The following RABGAP1 variants were observed in gnomAD, a reference collection of about 807,000 sequenced individuals.
The protein encoded by RABGAP1 is RAB GTPase activating protein 1.
Under a neutral mutation model 137.6 loss-of-function variants are expected in RABGAP1, and 23 were observed. The ratio of observed to expected loss-of-function variants is 0.17; its 90% CI spans 0.12 to 0.24. The LOEUF (loss-of-function observed/expected upper bound fraction) is 0.24. RABGAP1 is among the 10% of genes least tolerant of loss of function. The pLI is 1.00. For synonymous variants in RABGAP1, 451 were observed against 450.7 expected (o/e 1.00, Z -0.01); for missense variants, 906 against 1,275.8 (o/e 0.71, Z 4.42).
At position 122,989,322 on chromosome 9, in the gene RABGAP1, G is replaced by C. The variant is rs1836542279; in HGVS notation, c.616G>C (p.Glu206Gln). 1 of 1,613,474 alleles carries C rather than the reference G, an allele frequency of 6.2e-7. No individual in the cohort carries two copies. Among genetic ancestry groups the C allele is most frequent in the African/African-American group, 1.3e-5 (1 of 74,860 alleles). ...ACTCTTAGATCCTCAGACAAACACT[G>C]AAATAGCAAACTACCCTATCTACAA... ...VRLLDPQTNT[E>Q]IANYPIYKIL... The change falls in exon 5 of 26, where the codon GAA (glutamate) becomes CAA (glutamine). Residue 206 changes from glutamate to glutamine, a missense_variant. Physicochemically the swap from Glu to Gln is conservative, Grantham distance 29. Around this residue, in one of 9 missense-constraint regions of RABGAP1, gnomAD observed 331 missense variants for 358.3 expected, o/e 0.92. Transcript: ENST00000373647.
chr9:123,051,823 G>A (rs2033489799), intron 13 of RABGAP1, among the ~76,000 whole-genome samples: 1 of 150,784 alleles, frequency 6.6e-6, no homozygotes, highest in Admixed American at 6.6e-5. Flanking sequence ...ACGGAGCCTT[G>A]CTCTGTCATC....
At chr9:122,938,333 T>C (rs1833423467), upstream of RABGAP1, 1 of 152,222 alleles carries the variant, frequency 6.6e-6, no homozygotes, top group Non-Finnish European at 1.5e-5. Context: ...AGAGTGAACT[T>C]CAGTTTCCTT....
chr9:122,972,608 A>G (rs1835527271), intron 2 of RABGAP1, among the ~76,000 whole-genome samples: 2 of 152,194 alleles, frequency 1.3e-5, no homozygotes, highest in Admixed American at 6.5e-5. Context: ...TTTTGGGTAA[A>G]TAGGCTATAT....
chr9:123,097,356 T>C (rs2035215250), intron 21 of RABGAP1, among the ~76,000 whole-genome samples: 1 of 152,230 alleles, frequency 6.6e-6, no homozygotes, highest in Admixed American at 6.5e-5. Flanking sequence ...ATAATAATGA[T>C]GGCTACCTTT....
intron 6 of RABGAP1, 148 bp downstream of exon 6, chr9:122,990,361 A>G: frequency 1.7e-6 from 1 of 605,044 alleles, no homozygotes; most frequent in Non-Finnish European, 2.5e-6. Flanking sequence ...ATAAATACAT[A>G]AATTTAACAG....
intron 13 of RABGAP1, among the ~76,000 whole-genome samples, chr9:123,057,342 G>C (rs1385115310): frequency 6.7e-6 from 1 of 149,686 alleles, no homozygotes; most frequent in Non-Finnish European, 1.5e-5. Context: ...CAGACGGGGC[G>C]GCCGGGCAGA....
intron 13 of RABGAP1, among the ~76,000 whole-genome samples, chr9:123,043,839 G>C (rs1254573095): frequency 6.6e-6 from 1 of 151,804 alleles, no homozygotes; most frequent in Non-Finnish European, 1.5e-5. Flanking sequence ...GAAGAGTGAA[G>C]GGAATTTCAT....
intron 1 of RABGAP1, among the ~76,000 whole-genome samples, chr9:122,943,814 G>A (rs552169917): frequency 5.3e-5 from 8 of 150,034 alleles, no homozygotes; most frequent in Admixed American, 4.0e-4. Context: ...TTAGCCAGGC[G>A]TGGTGGCAGG....
chr9:123,042,165 T>C (rs1246627679), intron 13 of RABGAP1, among the ~76,000 whole-genome samples: 1 of 152,234 alleles, frequency 6.6e-6, no homozygotes. Flanking sequence ...CAGAATGTTC[T>C]AAGCAGGATA....
chr9:122,974,530 C>T (rs1167951080), intron 2 of RABGAP1, among the ~76,000 whole-genome samples: 1 of 149,460 alleles, frequency 6.7e-6, no homozygotes, highest in Non-Finnish European at 1.5e-5. Flanking sequence ...TGGCTCATGC[C>T]TGTAATCCCA....
chr9:123,031,512 G>GA (rs2032296461), intron 13 of RABGAP1, among the ~76,000 whole-genome samples: 1 of 151,918 alleles, frequency 6.6e-6, no homozygotes, highest in South Asian at 2.1e-4. Context: ...AGACAGAAAA[G>GA]AAAAAATTAG....
At chr9:123,083,711 G>A (rs1274323420) in intron 19 of RABGAP1, among the ~76,000 whole-genome samples, 1 of 152,152 alleles carries the variant, frequency 6.6e-6, no homozygotes, top group Non-Finnish European at 1.5e-5. Context: ...GCAGACCTTC[G>A]AGACCCACAG....
chr9:123,057,808 C>T (rs189484725), intron 13 of RABGAP1, among the ~76,000 whole-genome samples: 2,401 of 152,312 alleles, frequency 0.016, 35 homozygotes, highest in South Asian at 0.066. Context: ...CCCAGCACCT[C>T]GGGAGGCTGA....
chr9:123,008,106 A>C (rs1464534743), intron 10 of RABGAP1, among the ~76,000 whole-genome samples: 1 of 152,062 alleles, frequency 6.6e-6, no homozygotes, highest in Non-Finnish European at 1.5e-5. Flanking sequence ...ACCCAGCTTC[A>C]ACAATTAACA....
At chr9:123,021,476 A>C (rs1191819694) in intron 13 of RABGAP1, among the ~76,000 whole-genome samples, 1 of 151,986 alleles carries the variant, frequency 6.6e-6, no homozygotes, top group Non-Finnish European at 1.5e-5. Context: ...GGTGCGCACC[A>C]CCATGCCTAA....
At chr9:123,028,617 C>A (rs2045458876) in intron 13 of RABGAP1, among the ~76,000 whole-genome samples, 1 of 152,028 alleles carries the variant, frequency 6.6e-6, no homozygotes, top group Admixed American at 6.6e-5. Flanking sequence ...GGAGGTAAGA[C>A]CAGAGAGGTG....
chr9:123,029,590 A>T (rs2032185658), intron 13 of RABGAP1: 1 of 748,784 alleles, frequency 1.3e-6, no homozygotes, highest in Non-Finnish European at 2.5e-6. Flanking sequence ...AGAGTTTGTC[A>T]TATGTAGCTT....
chr9:122,989,373 G>T lies in RABGAP1; in HGVS notation c.667G>T (p.Asp223Tyr), dbSNP rs1324606278. ...YKILFCVRGH[D>Y]GTPESDCFAF... The stretch of plus-strand genomic sequence containing the variant: ...AATCCTCTTCTGTGTCAGAGGGCAT[G>T]ATGGAACTCCTGAGAGTGACTGTTT... Residue 223 changes from aspartate (D) to tyrosine (Y), a missense_variant, in exon 5 of 26, where the codon GAT (aspartate) becomes TAT (tyrosine). Physicochemically the swap from Asp to Tyr is radical, Grantham distance 160. Around this residue, in one of 9 missense-constraint regions of RABGAP1, gnomAD observed 331 missense variants for 358.3 expected, o/e 0.92. Transcript: ENST00000373647. 1 of 1,613,834 alleles carries T rather than the reference G, an allele frequency of 6.2e-7. No individual in the cohort carries two copies. The highest frequency in any genetic ancestry group is 1.3e-5 in the African/African-American group (1 of 74,916).
At chr9:123,036,056 G>A (rs1208329538) in intron 13 of RABGAP1, among the ~76,000 whole-genome samples, 2 of 152,042 alleles carry the variant, frequency 1.3e-5, no homozygotes, top group African/African-American at 2.4e-5. Flanking sequence ...TTCTTCTAAC[G>A]GAATAGTAAA....
Sources: allele counts gnomAD v4.1 joint callset (sites outside exome capture counted in the v4.1 genomes callset), GRCh38; gene constraint gnomAD v4.1.1; regional missense constraint gnomAD v4.1.1; transcripts MANE v1.5; gene names NCBI Gene and HGNC (gene_info 2026-07-23, HGNC 2026-07-21).